Variants in N4BP2L2 observed in about 807,000 individuals in gnomAD.
The protein encoded by N4BP2L2 is NEDD4-binding protein 2-like 2.
Under a neutral mutation model 56.2 loss-of-function variants are expected in N4BP2L2, and 50 were observed. The ratio of observed to expected loss-of-function variants is 0.89; its 90% CI spans 0.71 to 1.13. N4BP2L2 has a LOEUF of 1.13. Among genes scored for constraint, N4BP2L2 ranks in the 50% most tolerant of loss-of-function variants. The pLI is 0.00. For synonymous variants in N4BP2L2, 203 were observed against 223.6 expected (o/e 0.91, Z 0.82); for missense variants, 689 against 693.8 (o/e 0.99, Z 0.08).
intron 6 of N4BP2L2, among the ~76,000 whole-genome samples, chr13:32,484,534 A>G (rs2085459099): frequency 6.6e-6 from 1 of 151,860 alleles, no homozygotes; most frequent in South Asian, 2.1e-4. Flanking sequence ...CCCAGACTGG[A>G]GTGCAATGAC....
intron 6 of N4BP2L2, among the ~76,000 whole-genome samples, chr13:32,493,636 A>G (rs1282943152): frequency 6.6e-6 from 1 of 152,166 alleles, no homozygotes; most frequent in African/African-American, 2.4e-5. Context: ...TAAAATGTTG[A>G]AAGTGGATAC....
In N4BP2L2 at chr13:32,518,119, T is replaced by C; in HGVS notation, c.1551-116A>G. On this transcript the variant is annotated intron_variant, in intron 5 of 5. Coordinates refer to ENST00000267068, the Ensembl canonical transcript of N4BP2L2. ...AATAATATTTTGTAAATAAACAATA[T>C]ATATTTCATCTGTCCACATTTTATG... 4 of 954,682 alleles carry C rather than the reference T, an allele frequency of 4.2e-6. No homozygotes were observed. The South Asian group carries it at 7.9e-5, about 19-fold the overall frequency. The allele number at this position is 954,682 out of a possible 1,614,324, so 59.1% of individuals were successfully genotyped here. A position where few individuals can be genotyped will look rare whatever the true frequency, so the allele number is the denominator to read the frequency against.
chr13:32,527,491 G>A (rs1000357987), exon 3 of N4BP2L2: 20 of 1,613,660 alleles, frequency 1.2e-5, no homozygotes, highest in Non-Finnish European at 1.7e-5. Flanking sequence ...ATAGTCATCA[G>A]TGCTGAACAC....
At chr13:32,448,249 C>A (rs1442057165) in intron 6 of N4BP2L2, among the ~76,000 whole-genome samples, 1 of 151,990 alleles carries the variant, frequency 6.6e-6, no homozygotes, top group African/African-American at 2.4e-5. Flanking sequence ...TGTGGCTAAT[C>A]AGTAGATGCA....
chr13:32,477,830 G>A, intron 6 of N4BP2L2: 1 of 1,263,604 alleles, frequency 7.9e-7, no homozygotes. Context: ...CGGATTATTG[G>A]CATAGTTGTT....
At chr13:32,538,705 C>T (rs926586667) in exon 1 of N4BP2L2, 20 of 985,318 alleles carry the variant, frequency 2.0e-5, no homozygotes, top group Non-Finnish European at 2.2e-5. Flanking sequence ...GAAAGAAAAG[C>T]GGAGACAGCA....
chr13:32,435,352 GC>G (rs2075351758), intron 9 of N4BP2L2, among the ~76,000 whole-genome samples: 1 of 152,108 alleles, frequency 6.6e-6, no homozygotes. Context: ...TCTTGCCTCA[GC>G]CTCCCAAGTA....
rs781522443 is a variant in N4BP2L2 at position 32,536,339 on chromosome 13, G to A, written c.689C>T (p.Pro230Leu). Residue 230 changes from proline to leucine, a missense_variant, in exon 2 of 6, where the codon CCA (proline) becomes CTA (leucine). Physicochemically the swap from Pro to Leu is moderately conservative, Grantham distance 98. Coordinates refer to ENST00000267068, the Ensembl canonical transcript of N4BP2L2. ...GTTCTGCTGATAATCACAATGTGAT[G>A]GCATAGCTTTATTACTAAGATCTTT... 14 of 1,613,826 alleles carry A rather than the reference G, an allele frequency of 8.7e-6. No homozygotes were observed. The East Asian group carries it at 2.0e-4, about 23-fold the overall frequency.
rs1437871494 is a variant in N4BP2L2, at chr13:32,515,500, T to C, written c.*2302A>G. 5 of 152,158 alleles carry C rather than the reference T, an allele frequency of 3.3e-5. 1 individual carries two copies. The South Asian group carries it at 6.2e-4, about 19-fold the overall frequency. The allele number at this position is 152,158 out of a possible 1,614,324, so 9.4% of individuals were successfully genotyped here. ...AGCCTCAGTAAGATTTATTTATTTA[T>C]TTGGACTCTGTGATGCAACAGTAGT... On this transcript the variant is annotated 3_prime_UTR_variant, in exon 6 of 6. Coordinates refer to ENST00000267068, the Ensembl canonical transcript of N4BP2L2.
At chr13:32,467,343 C>T (rs1199193980) in intron 6 of N4BP2L2, among the ~76,000 whole-genome samples, 1 of 151,774 alleles carries the variant, frequency 6.6e-6, no homozygotes, top group Non-Finnish European at 1.5e-5. Context: ...CTGCAACCTC[C>T]GTCTCCTGGG....
intron 6 of N4BP2L2, among the ~76,000 whole-genome samples, chr13:32,485,576 T>A (rs1018249241): frequency 6.6e-6 from 1 of 152,116 alleles, no homozygotes; most frequent in Non-Finnish European, 1.5e-5. Context: ...TATAAAAAAA[T>A]GATTACACTC....
intron 6 of N4BP2L2, among the ~76,000 whole-genome samples, chr13:32,501,733 T>C (rs2090044609): frequency 6.6e-6 from 1 of 151,582 alleles, no homozygotes; most frequent in African/African-American, 2.4e-5. Flanking sequence ...AAGAATGGCA[T>C]GAAACCCGGA....
rs755397659 is a variant in N4BP2L2, at chr13:32,536,034, CA to C, written c.993del (p.Phe331LeufsTer31). The C allele has an allele frequency of 9.3e-6, 15 of 1,613,914 alleles. No individual in the cohort carries two copies. Among genetic ancestry groups the C allele is most frequent in the Non-Finnish European group, 1.2e-5 (14 of 1,180,014 alleles). On this transcript the variant is annotated frameshift_variant, in exon 2 of 6. Transcript: ENST00000267068. LOFTEE classifies it high-confidence loss of function. ...CAGTCAGTATATTCATTGTTCTGAT[CA>C]AAAGTCATGCAATTCCAGTTAACAT...
chr13:32,530,432 T>G (rs2054388419), intron 2 of N4BP2L2, among the ~76,000 whole-genome samples: 1 of 152,222 alleles, frequency 6.6e-6, no homozygotes, highest in Admixed American at 6.5e-5. Context: ...TTCAAAATTC[T>G]TAGACTGTCA....
rs757297105 is a variant in N4BP2L2 at position 32,443,623 on chromosome 13, A to T, written c.869T>A (p.Ile290Lys). ...AGAAAGGTCCTGGGTGTCTAATGCT[A>T]TGGTATGCCTATTTCTAATATGCTT... is the stretch of plus-strand genomic sequence containing the variant. The change falls in exon 7 of 10, where the codon ATA becomes AAA. Residue 290 changes from isoleucine to lysine, a missense_variant. By Grantham distance (102) the Ile-to-Lys change is moderately radical. Coordinates refer to the N4BP2L2 transcript ENST00000357505. 15 of 1,611,790 alleles carry T rather than the reference A, an allele frequency of 9.3e-6. No individual in the cohort carries two copies. The Admixed American group carries it at 2.3e-4, about 25-fold the overall frequency.
chr13:32,500,982 C>A (rs1373442199), intron 6 of N4BP2L2, among the ~76,000 whole-genome samples: 3 of 151,460 alleles, frequency 2.0e-5, no homozygotes, highest in Non-Finnish European at 4.4e-5. Flanking sequence ...GGTTCTTCTG[C>A]CTCAGCCTCC....
At chr13:32,533,272 G>C (rs1365358542) in intron 2 of N4BP2L2, among the ~76,000 whole-genome samples, 1 of 151,856 alleles carries the variant, frequency 6.6e-6, no homozygotes, top group African/African-American at 2.4e-5. Flanking sequence ...ATCTTTATCG[G>C]GCTATCCTAC....
intron 2 of N4BP2L2, 135 bp downstream of exon 2, chr13:32,535,634 G>T: frequency 1.2e-6 from 1 of 864,848 alleles, no homozygotes; most frequent in Non-Finnish European, 1.7e-6. Flanking sequence ...AAACTCCTGA[G>T]CTCAAGTGAC....
rs187732213 is a variant in N4BP2L2, at chr13:32,517,394, A to G, written c.*408T>C. 2.3e-4 allele frequency: 224 copies of G among 994,550 alleles called. 2 individuals are homozygous for G. The African/African-American group carries it at 3.8e-3, about 17-fold the overall frequency. 61.6% of individuals were successfully genotyped at this position (994,550 alleles called of 1,614,324 possible). ...CTAAGGTACCCTATACCAAGTCAGT[A>G]TTTCTTGCATATTTAAGGTAGTGAA... On this transcript the variant is annotated 3_prime_UTR_variant, in exon 6 of 6. Transcript: ENST00000267068.
Sources: allele counts gnomAD v4.1 joint callset (sites outside exome capture counted in the v4.1 genomes callset), GRCh38; gene constraint gnomAD v4.1.1; transcripts MANE v1.5; gene names NCBI Gene and HGNC (gene_info 2026-07-23, HGNC 2026-07-21).